The following PPDPFL variants were observed in gnomAD, a reference collection of about 807,000 sequenced individuals.
PPDPFL encodes the protein pancreatic progenitor cell differentiation and proliferation factor like.
A neutral mutation model predicts 12.6 loss-of-function variants in PPDPFL; 12 were observed. The observed-to-expected ratio is 0.95, with a 90% CI of 0.61 to 1.54. The LOEUF (loss-of-function observed/expected upper bound fraction) is 1.54. PPDPFL is among the 40% of genes most tolerant of loss of function. The probability of loss-of-function intolerance (pLI) is 0.00; values close to 1 mark genes in which losing one functional copy is unlikely to be tolerated. For missense variants in PPDPFL, 114 were observed against 96.0 expected (o/e 1.19, Z -0.78); for synonymous variants, 24 against 32.7 (o/e 0.73, Z 0.91).
chr8:49,074,736 G>A (rs1346551765), intron 4 of PPDPFL: 2 of 1,449,150 alleles, frequency 1.4e-6, no homozygotes, highest in Non-Finnish European at 1.8e-6. Flanking sequence ...CTTCTGTGTG[G>A]TGCAAATTAC....
chr8:49,075,256 A>C lies in PPDPFL; in HGVS notation c.*83A>C. Reference sequence around the variant, plus strand: ...GTAGCATGAACAGTTGATTCTGACAATCAAGATCCTCTGCCTGCTGCAGTG... The same window carrying C: ...GTAGCATGAACAGTTGATTCTGACACTCAAGATCCTCTGCCTGCTGCAGTG... On this transcript the variant is annotated 3_prime_UTR_variant, in exon 5 of 5. Coordinates refer to ENST00000522267, the MANE Select transcript of PPDPFL (RefSeq NM_001256597.2). The C allele has an allele frequency of 6.2e-7, 1 of 1,614,002 alleles. No individual in the cohort carries two copies.
At chr8:49,065,332 T>C (rs1808278062) in intron 1 of PPDPFL, among the ~76,000 whole-genome samples, 1 of 152,200 alleles carries the variant, frequency 6.6e-6, no homozygotes, top group Non-Finnish European at 1.5e-5. Flanking sequence ...TCAGCTGCTC[T>C]GTGGCTTTCT....
intron 1 of PPDPFL, among the ~76,000 whole-genome samples, chr8:49,055,338 C>A (rs762265831): frequency 6.6e-6 from 1 of 151,984 alleles, no homozygotes; most frequent in African/African-American, 2.4e-5. Flanking sequence ...CCTTCTTGCC[C>A]CCTTTGTCTC....
In PPDPFL at chr8:49,074,136, GGTACTTA is replaced by G; in HGVS notation, c.133+3_133+9del. The stretch of plus-strand genomic sequence containing the variant: ...CATAGATGACGACAAACCACAGCAA[GGTACTTA>G]GTTATTTCTTTCAGTGTCATCCTTA... On this transcript the variant is annotated splice_donor_variant and splice_donor_5th_base_variant and intron_variant, in intron 3 of 4. Coordinates refer to ENST00000522267, the MANE Select transcript of PPDPFL (RefSeq NM_001256597.2). LOFTEE classifies it high-confidence loss of function. 2 of 1,611,320 alleles carry G rather than the reference GGTACTTA, an allele frequency of 1.2e-6. No individual in the cohort carries two copies. The highest frequency in any genetic ancestry group is 1.7e-6 in the Non-Finnish European group (2 of 1,177,646).
chr8:49,060,777 GC>G (rs1321317852), intron 1 of PPDPFL, among the ~76,000 whole-genome samples: 1 of 152,124 alleles, frequency 6.6e-6, no homozygotes, highest in Non-Finnish European at 1.5e-5. Context: ...ATCAAAATTG[GC>G]GTAATGGAAG....
chr8:49,061,135 G>A (rs1808194032), intron 1 of PPDPFL, among the ~76,000 whole-genome samples: 1 of 152,042 alleles, frequency 6.6e-6, no homozygotes, highest in Non-Finnish European at 1.5e-5. Flanking sequence ...AGGATGGCAT[G>A]GGCTATACCG....
At position 49,072,814 on chromosome 8, in the gene PPDPFL, T is replaced by C. The variant is rs780202369; in HGVS notation, c.-17T>C. ...TAATGCTCACAGCTTCTTGGGTGCT[T>C]TCTCACGGGTAAAGCCATGGCATCC... On this transcript the variant is annotated 5_prime_UTR_variant, in exon 2 of 5. Transcript: ENST00000522267. 1 of 1,592,920 alleles carries C rather than the reference T, an allele frequency of 6.3e-7. No homozygotes were observed. The highest frequency in any genetic ancestry group is 8.5e-7 in the Non-Finnish European group (1 of 1,172,704).
intron 1 of PPDPFL, among the ~76,000 whole-genome samples, chr8:49,060,099 G>A (rs1305081409): frequency 2.6e-5 from 4 of 152,314 alleles, no homozygotes; most frequent in Middle Eastern, 3.4e-3. Flanking sequence ...GGCATAGAGT[G>A]AAGAGTACAG....
Position 49,074,290 on chromosome 8 carries a change from C to T in PPDPFL, c.190C>T (p.Pro64Ser), listed in dbSNP as rs573279701. ...WWFKSFFHSE[P>S]VLSNVRIKDL... ...GTTTAAATCGTTTTTCCATTCTGAA[C>T]CTGTGCTTTCAAATGTGAGAATAAA... Residue 64 changes from proline to serine, a missense_variant, in exon 4 of 5, where the codon CCT becomes TCT. By Grantham distance (74) the Pro-to-Ser change is moderately conservative (BLOSUM62 -1). Coordinates refer to ENST00000522267, the MANE Select transcript of PPDPFL (RefSeq NM_001256597.2). 6.2e-7 allele frequency: 1 copy of T among 1,613,982 alleles called. No homozygotes were observed. Among genetic ancestry groups the T allele is most frequent in the African/African-American group, 1.3e-5 (1 of 75,042 alleles).
chr8:49,066,520 C>T (rs1001412479), intron 1 of PPDPFL, among the ~76,000 whole-genome samples: 5 of 152,084 alleles, frequency 3.3e-5, no homozygotes, highest in Non-Finnish European at 7.3e-5. Context: ...TACAATATCA[C>T]GTAATATGGG....
chr8:49,070,657 G>A (rs529522449), upstream of PPDPFL, among the ~76,000 whole-genome samples: 18 of 151,744 alleles, frequency 1.2e-4, no homozygotes, highest in African/African-American at 4.3e-4. Flanking sequence ...AGGGAGAAGA[G>A]GCCTAAATAA....
At chr8:49,064,884 A>G (rs1040154198) in intron 1 of PPDPFL, among the ~76,000 whole-genome samples, 2 of 152,196 alleles carry the variant, frequency 1.3e-5, no homozygotes, top group Admixed American at 1.3e-4. Flanking sequence ...AAAGCAATCA[A>G]AATTTAAACA....
chr8:49,056,916 C>A (rs1158725809), intron 1 of PPDPFL, among the ~76,000 whole-genome samples: 3 of 152,096 alleles, frequency 2.0e-5, no homozygotes, highest in Non-Finnish European at 4.4e-5. Flanking sequence ...TACTTTGAAC[C>A]ATACCTTGCA....
intron 1 of PPDPFL, among the ~76,000 whole-genome samples, chr8:49,057,775 G>A (rs1364643077): frequency 2.0e-5 from 3 of 152,106 alleles, no homozygotes; most frequent in Non-Finnish European, 4.4e-5. Context: ...CAATAGACAT[G>A]TCTTCATAGA....
Position 49,074,063 on chromosome 8 carries a change from C to T in PPDPFL, c.60C>T (p.Ser20=). ...LLARNQYYRK[S]SVSSVSSLTS... is the part of the protein sequence containing the mutation. ...AATATCATTTGTTTCCTACAGAGTCCAGTGTTTCTTCAGTTAGTTCTTTAA... is the reference window on the plus strand; with the variant it reads ...AATATCATTTGTTTCCTACAGAGTCTAGTGTTTCTTCAGTTAGTTCTTTAA... The change falls in exon 3 of 5, where the codon TCC becomes TCT. Residue 20 remains serine (S), a synonymous_variant. Transcript: ENST00000522267. 3 of 1,608,288 alleles carry T rather than the reference C, an allele frequency of 1.9e-6. No individual in the cohort carries two copies. Among genetic ancestry groups the T allele is most frequent in the South Asian group, 1.1e-5 (1 of 90,784 alleles).
At chr8:49,055,915 A>G (rs1808105255) in intron 1 of PPDPFL, among the ~76,000 whole-genome samples, 1 of 152,106 alleles carries the variant, frequency 6.6e-6, no homozygotes, top group African/African-American at 2.4e-5. Flanking sequence ...ACAAAATTTG[A>G]TCCCTACCAC....
At chr8:49,074,525 A>T (rs900293837) in intron 4 of PPDPFL, 192 bp downstream of exon 4, 1 of 1,537,236 alleles carries the variant, frequency 6.5e-7, no homozygotes, top group Non-Finnish European at 8.7e-7. Context: ...TGTCAGGAAG[A>T]TCATAGCACC....
At chr8:49,060,651 A>G (rs1176283091) in intron 1 of PPDPFL, among the ~76,000 whole-genome samples, 2 of 152,116 alleles carry the variant, frequency 1.3e-5, no homozygotes, top group East Asian at 1.9e-4. Flanking sequence ...ATTATTTTGT[A>G]TAAGTTTAGT....
At chr8:49,072,555 T>C (rs1366992159) in intron 1 of PPDPFL, 73 bp downstream of exon 1, 3 of 278,486 alleles carry the variant, frequency 1.1e-5, no homozygotes, top group Non-Finnish European at 2.0e-5. Context: ...GTAAGTTCTG[T>C]GCATTGTGTA....
Sources: allele counts gnomAD v4.1 joint callset (sites outside exome capture counted in the v4.1 genomes callset), GRCh38; gene constraint gnomAD v4.1.1; transcripts MANE v1.5; gene names NCBI Gene and HGNC (gene_info 2026-07-23, HGNC 2026-07-21).